Variants in RAD54L2 observed in about 807,000 individuals in gnomAD.
RAD54L2 encodes RAD54 like 2.
A neutral mutation model predicts 138.4 loss-of-function variants in RAD54L2; 27 were observed. The ratio of observed to expected loss-of-function variants is 0.20; its 90% CI spans 0.14 to 0.27. RAD54L2 has a LOEUF of 0.27. RAD54L2 is among the 10% of genes least tolerant of loss of function. The pLI, the probability that RAD54L2 is intolerant of heterozygous loss-of-function variation, is 1.00. For synonymous variants in RAD54L2, 644 were observed against 723.2 expected, an observed-to-expected ratio of 0.89 and a Z score of 1.76; for missense variants, 1,396 against 1,890.2, an observed-to-expected ratio of 0.74 and a Z score of 4.85.
chr3:51,604,463 A>G (rs1700138269), intron 3 of RAD54L2, among the ~76,000 whole-genome samples: 1 of 152,146 alleles, frequency 6.6e-6, no homozygotes, highest in Admixed American at 6.6e-5. Context: ...CATAGCTTTC[A>G]GGGAAATGGG....
rs74330925 is a variant in RAD54L2, at chr3:51,582,367, C to T, written c.-54-8000C>T. On this transcript the variant is annotated intron_variant, in intron 2 of 22. Coordinates refer to ENST00000684192, the MANE Select transcript of RAD54L2 (RefSeq NM_015106.4). ...CTCATTCTTGCCTCATCCCCTGTAT[C>T]CAGAGATCTTATTTTTTTCCTCTTC... is the stretch of plus-strand genomic sequence containing the variant. 4.9e-5 allele frequency among the ~76,000 whole-genome samples: 6 copies of T among 122,036 alleles called. No individual in the cohort carries two copies. In the South Asian group the frequency reaches 1.3e-3, roughly 26 times the overall value. The allele number at this position is 122,036 out of a possible 152,430, so 80.1% of individuals were successfully genotyped here.
chr3:51,565,818 G>T (rs1699202266), intron 2 of RAD54L2, among the ~76,000 whole-genome samples: 1 of 148,006 alleles, frequency 6.8e-6, no homozygotes, highest in Non-Finnish European at 1.5e-5. Flanking sequence ...CCACCTTACT[G>T]AGCTCCCCCA....
intron 4 of RAD54L2, among the ~76,000 whole-genome samples, 191 bp from the exon 5 acceptor site, chr3:51,629,143 C>T (rs1468426561): frequency 6.6e-6 from 1 of 152,112 alleles, no homozygotes; most frequent in African/African-American, 2.4e-5. Context: ...AAGTATTAGC[C>T]TAGAGCCATC....
intron 2 of RAD54L2, among the ~76,000 whole-genome samples, chr3:51,559,861 C>T (rs957100739): frequency 4.6e-5 from 7 of 152,208 alleles, no homozygotes; most frequent in African/African-American, 7.2e-5. Context: ...GCAGTTTCAG[C>T]TACAGGAGCT....
At chr3:51,655,486 T>G (rs957211287) in intron 19 of RAD54L2, among the ~76,000 whole-genome samples, 3 of 152,172 alleles carry the variant, frequency 2.0e-5, no homozygotes. Context: ...AGTAAAGATG[T>G]TTAAAGTTGG....
At chr3:51,578,879 G>T (rs1199234441) in intron 2 of RAD54L2, among the ~76,000 whole-genome samples, 4 of 152,170 alleles carry the variant, frequency 2.6e-5, no homozygotes, top group Admixed American at 2.6e-4. Context: ...TGGCACCTGA[G>T]TTCTTGTTCG....
rs556058743 is a variant in RAD54L2 at position 51,666,407 on chromosome 3, G to A, written c.*2987G>A. ...CTTCCACCCATTATCCAGGCCTGAG[G>A]GGGGCAGGGTGGCTGGTGATAAGAG... On this transcript the variant is annotated 3_prime_UTR_variant, in exon 23 of 23. Coordinates refer to ENST00000684192, the MANE Select transcript of RAD54L2 (RefSeq NM_015106.4). The A allele has an allele frequency of 6.6e-5, 10 of 151,918 alleles. No individual in the cohort carries two copies. The highest frequency in any genetic ancestry group is 6.6e-4 in the Admixed American group (10 of 15,264). The allele number at this position is 151,918 out of a possible 1,614,324, so 9.4% of individuals were successfully genotyped here. A position where few individuals can be genotyped will look rare whatever the true frequency, so the allele number is the denominator to read the frequency against.
chr3:51,577,656 T>C (rs1310765432), intron 2 of RAD54L2, among the ~76,000 whole-genome samples: 1 of 152,202 alleles, frequency 6.6e-6, no homozygotes, highest in Non-Finnish European at 1.5e-5. Flanking sequence ...TATCAGAGAC[T>C]AGGATTGCAA....
chr3:51,583,746 A>T (rs1699657560), intron 2 of RAD54L2, among the ~76,000 whole-genome samples: 1 of 152,008 alleles, frequency 6.6e-6, no homozygotes, highest in Non-Finnish European at 1.5e-5. Flanking sequence ...TAGCTTCTTA[A>T]AGGTTAATTG....
chr3:51,555,447 T>C (rs1698938716), intron 2 of RAD54L2, among the ~76,000 whole-genome samples: 1 of 151,422 alleles, frequency 6.6e-6, no homozygotes, highest in Admixed American at 6.6e-5. Flanking sequence ...ACCCTGTCTC[T>C]ACAAAAAATA....
intron 3 of RAD54L2, among the ~76,000 whole-genome samples, chr3:51,619,991 C>CACACAG (rs1700531637): frequency 6.6e-6 from 1 of 152,104 alleles, no homozygotes; most frequent in South Asian, 2.1e-4. Flanking sequence ...TGTGTTCAGG[C>CACACAG]TCCGGTGCAG....
At chr3:51,583,063 C>T (rs2106693324) in intron 2 of RAD54L2, among the ~76,000 whole-genome samples, 1 of 152,206 alleles carries the variant, frequency 6.6e-6, no homozygotes, top group Admixed American at 6.5e-5. Flanking sequence ...CCATGCCCGG[C>T]CAAGAATGTT....
intron 3 of RAD54L2, among the ~76,000 whole-genome samples, chr3:51,626,090 CA>C (rs996462842): frequency 2.0e-5 from 3 of 149,330 alleles, no homozygotes; most frequent in African/African-American, 4.9e-5. Flanking sequence ...CCGACCCCAC[CA>C]AAAAAAAACA....
intron 2 of RAD54L2, among the ~76,000 whole-genome samples, chr3:51,572,747 T>G (rs577977218): frequency 6.6e-6 from 1 of 150,854 alleles, no homozygotes; most frequent in Admixed American, 6.6e-5. Context: ...CAAGCAATTC[T>G]CCTGCCTCAG....
intron 3 of RAD54L2, among the ~76,000 whole-genome samples, chr3:51,605,160 G>A (rs929778243): frequency 2.7e-5 from 4 of 146,762 alleles, no homozygotes; most frequent in South Asian, 2.1e-4. Flanking sequence ...CGCGATCTCC[G>A]CTCGCTGCAG....
chr3:51,544,908 G>A (rs1023984080), intron 2 of RAD54L2, among the ~76,000 whole-genome samples: 22 of 152,268 alleles, frequency 1.4e-4, no homozygotes, highest in African/African-American at 5.3e-4. Context: ...GCCTGGGAAT[G>A]GGTAATGGAT....
rs1701940353 is a variant in RAD54L2 at position 51,667,759 on chromosome 3, T to C, written c.*4339T>C. Reference sequence around the variant, plus strand: ...CCCCTTAACGGCTTTTCTGTGCTACTAGCTTAGCCCTAGGCCTTTTATGAA... The same window carrying C: ...CCCCTTAACGGCTTTTCTGTGCTACCAGCTTAGCCCTAGGCCTTTTATGAA... On this transcript the variant is annotated 3_prime_UTR_variant, in exon 23 of 23. Coordinates refer to ENST00000684192, the MANE Select transcript of RAD54L2 (RefSeq NM_015106.4). 1 of 152,318 alleles carries C rather than the reference T, an allele frequency of 6.6e-6. No homozygotes were observed. Among genetic ancestry groups the C allele is most frequent in the Admixed American group, 6.5e-5 (1 of 15,296 alleles). The allele number at this position is 152,318 out of a possible 1,614,324, so 9.4% of individuals were successfully genotyped here.
rs1243708178 is a variant in RAD54L2 at position 51,663,047 on chromosome 3, C to T, written c.4031C>T (p.Thr1344Ile). ...GCCCGCCTGGTGTTTCCAGTGACTACTGACCCTCTGGTGCCAGCAGGCCCC... is the reference window on the plus strand; with the variant it reads ...GCCCGCCTGGTGTTTCCAGTGACTATTGACCCTCTGGTGCCAGCAGGCCCC... ...ADARLVFPVT[T>I]DPLVPAGPVS... The change falls in exon 23 of 23, where the codon ACT becomes ATT. Residue 1344 changes from threonine to isoleucine, a missense_variant. Physicochemically the swap from Thr to Ile is moderately conservative, Grantham distance 89. Coordinates refer to ENST00000684192, the MANE Select transcript of RAD54L2 (RefSeq NM_015106.4). 1 of 1,614,008 alleles carries T rather than the reference C, an allele frequency of 6.2e-7. No homozygotes were observed. Among genetic ancestry groups the T allele is most frequent in the Non-Finnish European group, 8.5e-7 (1 of 1,179,898 alleles).
intron 9 of RAD54L2, among the ~76,000 whole-genome samples, chr3:51,634,613 G>T (rs765581462): frequency 6.6e-6 from 1 of 152,054 alleles, no homozygotes; most frequent in South Asian, 2.1e-4. Flanking sequence ...CAGGTGATCC[G>T]CCCACCTTGT....
Sources: gnomAD v4.1 joint callset for allele counts (sites outside exome capture counted in the v4.1 genomes callset) on GRCh38, gnomAD v4.1.1 for gene constraint, MANE v1.5 for transcripts, NCBI Gene and HGNC (gene_info 2026-07-23, HGNC 2026-07-21) for gene names.